Variants in FAM185A observed in about 807,000 individuals in gnomAD.
The protein encoded by FAM185A is family with sequence similarity 185 member A.
FAM185A carries 21 observed loss-of-function variants against 45.7 expected under a neutral mutation model. The observed-to-expected ratio is 0.46, with a 90% CI of 0.33 to 0.66. The LOEUF is 0.66. Among genes scored for constraint, FAM185A ranks in the 30% least tolerant of loss-of-function variants. The pLI is 0.03. For missense variants in FAM185A, 305 were observed against 485.4 expected (o/e 0.63, Z 3.49); for synonymous variants, 117 against 194.0 (o/e 0.60, Z 3.30).
intron 7 of FAM185A, among the ~76,000 whole-genome samples, chr7:102,793,234 C>T (rs548753421): frequency 5.9e-5 from 9 of 152,012 alleles, no homozygotes; most frequent in Non-Finnish European, 7.4e-5. Flanking sequence ...TTTTTTGAGA[C>T]GGAGTCTCTC....
chr7:102,752,503 C>CTCGTGATCCGCCTGCCT (rs1463571462), intron 2 of FAM185A, among the ~76,000 whole-genome samples: 1 of 152,008 alleles, frequency 6.6e-6, no homozygotes, highest in African/African-American at 2.4e-5. Flanking sequence ...ATCTCCTGAC[C>CTCGTGATCCGCCTGCCT]TCGTGATCCG....
At chr7:102,806,628 T>C (rs554111301) in intron 7 of FAM185A, among the ~76,000 whole-genome samples, 1 of 150,370 alleles carries the variant, frequency 6.7e-6, no homozygotes, top group African/African-American at 2.5e-5. Context: ...GTCCCTGTTC[T>C]GTCTCAATTT....
At chr7:102,762,648 G>A (rs1260660070) in intron 4 of FAM185A, among the ~76,000 whole-genome samples, 1 of 152,196 alleles carries the variant, frequency 6.6e-6, no homozygotes, top group African/African-American at 2.4e-5. Context: ...ATCATGCTAT[G>A]TAGTAATTTG....
the FAM185A span, among the ~76,000 whole-genome samples, chr7:102,823,236 T>C: frequency 7.2e-5 from 11 of 152,300 alleles, no homozygotes; most frequent in Admixed American, 6.5e-4. Context: ...AAATTTAAAA[T>C]CCTCTCTAAG....
the FAM185A span, among the ~76,000 whole-genome samples, chr7:102,832,533 A>ATC: frequency 6.6e-6 from 1 of 152,242 alleles, no homozygotes; most frequent in African/African-American, 2.4e-5. Flanking sequence ...TACAAATACT[A>ATC]AGTTCATTCA....
chr7:102,791,080 A>G (rs1426450068), intron 7 of FAM185A, among the ~76,000 whole-genome samples: 9 of 152,380 alleles, frequency 5.9e-5, no homozygotes, highest in African/African-American at 2.2e-4. Flanking sequence ...TGGCCAAAGT[A>G]TAGAGAGTAA....
At chr7:102,780,121 T>C (rs1229310689) in intron 6 of FAM185A, among the ~76,000 whole-genome samples, 2 of 152,138 alleles carry the variant, frequency 1.3e-5, no homozygotes, top group African/African-American at 4.8e-5. Context: ...TAGCTCCAGT[T>C]AGGAAGACCA....
intron 6 of FAM185A, among the ~76,000 whole-genome samples, chr7:102,777,993 G>C (rs974097867): frequency 3.9e-5 from 6 of 152,196 alleles, no homozygotes; most frequent in African/African-American, 1.4e-4. Context: ...CAAGTGGCTT[G>C]GGTGAAGTAG....
intron 7 of FAM185A, among the ~76,000 whole-genome samples, chr7:102,789,304 G>A (rs1796009889): frequency 2.0e-5 from 3 of 152,174 alleles, no homozygotes; most frequent in Admixed American, 6.5e-5. Context: ...GTTTTTAGCA[G>A]ACACAAGGCC....
the FAM185A span, among the ~76,000 whole-genome samples, chr7:102,831,429 A>C: frequency 2.0e-5 from 3 of 148,770 alleles, no homozygotes; most frequent in African/African-American, 5.0e-5. Context: ...ACACACACAC[A>C]CACCCCACTA....
intron 7 of FAM185A, among the ~76,000 whole-genome samples, chr7:102,789,274 T>G (rs7778423): frequency 0.48 from 72,523 of 151,356 alleles, 20,097 homozygotes; most frequent in African/African-American, 0.78. Context: ...GTACTACCGT[T>G]CTCAGCTAAT....
chr7:102,827,182 T>C, the FAM185A span: 1 of 454,400 alleles, frequency 2.2e-6, no homozygotes, highest in Admixed American at 2.3e-5. Flanking sequence ...AATGTGTTAC[T>C]GCCCTTGAAG....
intron 6 of FAM185A, among the ~76,000 whole-genome samples, chr7:102,784,033 C>T (rs1795603422): frequency 6.6e-6 from 1 of 152,146 alleles, no homozygotes; most frequent in Non-Finnish European, 1.5e-5. Flanking sequence ...ATACAAACTA[C>T]CATCAGAGAA....
chr7:102,827,993 G>C, the FAM185A span, among the ~76,000 whole-genome samples: 1 of 152,186 alleles, frequency 6.6e-6, no homozygotes, highest in Non-Finnish European at 1.5e-5. Context: ...TAGCCTTGTA[G>C]TATAGTTTGA....
At chr7:102,830,404 G>A in the FAM185A span, among the ~76,000 whole-genome samples, 4 of 152,076 alleles carry the variant, frequency 2.6e-5, no homozygotes, top group Non-Finnish European at 5.9e-5. Flanking sequence ...TGCTATGAAC[G>A]CAAGAATCTC....
At chr7:102,835,008 A>G in the FAM185A span, among the ~76,000 whole-genome samples, 1 of 152,080 alleles carries the variant, frequency 6.6e-6, no homozygotes, top group Non-Finnish European at 1.5e-5. Flanking sequence ...AATGTTAACT[A>G]CTATCAGGAT....
At chr7:102,771,136 C>T (rs762204688) in intron 4 of FAM185A, among the ~76,000 whole-genome samples, 16 of 151,922 alleles carry the variant, frequency 1.1e-4, no homozygotes, top group Non-Finnish European at 1.9e-4. Context: ...CATGGTCTTA[C>T]CTATAAGTGG....
At position 102,803,012 on chromosome 7, in the gene FAM185A, TA is replaced by T. The variant is rs1796885439; in HGVS notation, c.1067-5276del. On this transcript the variant is annotated intron_variant, in intron 7 of 7. Coordinates refer to ENST00000413034, the MANE Select transcript of FAM185A (RefSeq NM_001145268.2). The stretch of plus-strand genomic sequence containing the variant: ...GAATTAGATACCCTGAACAGATCAA[TA>T]ACAAGCAGGAGATTGAAGTGGTAAT... Among the ~76,000 whole-genome samples the T allele has an allele frequency of 2.0e-5, 3 of 151,920 alleles. No homozygotes were observed. In the South Asian group the frequency reaches 6.2e-4, roughly 32 times the overall value.
chr7:102,826,795 A>AAT, the FAM185A span, among the ~76,000 whole-genome samples: 1 of 115,402 alleles, frequency 8.7e-6, no homozygotes, highest in African/African-American at 3.0e-5. Flanking sequence ...CTAATATATT[A>AAT]ATATATATCT....
Sources: gnomAD v4.1 joint callset for allele counts (sites outside exome capture counted in the v4.1 genomes callset) on GRCh38, gnomAD v4.1.1 for gene constraint, MANE v1.5 for transcripts, NCBI Gene and HGNC (gene_info 2026-07-23, HGNC 2026-07-21) for gene names.